FSTL4: variants seen among roughly 807,000 people sequenced by gnomAD.
FSTL4 encodes the protein follistatin like 4.
FSTL4 carries 28 observed loss-of-function variants against 78.2 expected under a neutral mutation model. The observed-to-expected ratio is 0.36, with a 90% CI of 0.27 to 0.49. The LOEUF (loss-of-function observed/expected upper bound fraction) is 0.49. Ranked by LOEUF, FSTL4 falls within the 20% of genes least tolerant of loss-of-function variation. FSTL4 has a pLI of 0.98. For synonymous variants in FSTL4, 422 were observed against 440.5 expected (o/e 0.96, Z 0.53); for missense variants, 922 against 1,084.9 (o/e 0.85, Z 2.11).
chr5:133,798,854 T>C, the FSTL4 span, among the ~76,000 whole-genome samples: 3 of 151,758 alleles, frequency 2.0e-5, no homozygotes, highest in East Asian at 3.9e-4. Flanking sequence ...ACCTTAGTCA[T>C]TGTATCCCCA....
At chr5:133,534,145 A>C (rs186649319) in intron 3 of FSTL4, among the ~76,000 whole-genome samples, 98 of 151,992 alleles carry the variant, frequency 6.4e-4, no homozygotes, top group South Asian at 2.5e-3. Flanking sequence ...GGTTGTATTA[A>C]AAAAAACCTG....
At chr5:133,391,161 C>T (rs941410834) in intron 4 of FSTL4, among the ~76,000 whole-genome samples, 1 of 152,212 alleles carries the variant, frequency 6.6e-6, no homozygotes, top group Non-Finnish European at 1.5e-5. Flanking sequence ...CTGAGTCTAT[C>T]ACACAGATAA....
At chr5:133,481,591 C>T (rs985409654) in intron 3 of FSTL4, among the ~76,000 whole-genome samples, 1 of 148,904 alleles carries the variant, frequency 6.7e-6, no homozygotes, top group Non-Finnish European at 1.5e-5. Flanking sequence ...GAACTCATCA[C>T]AGGTAGTCAG....
chr5:133,726,947 A>C, the FSTL4 span, among the ~76,000 whole-genome samples: 14 of 152,270 alleles, frequency 9.2e-5, no homozygotes, highest in African/African-American at 2.9e-4. Context: ...GGATCCTCCT[A>C]TGTTAATGTT....
chr5:133,710,115 G>A, the FSTL4 span, among the ~76,000 whole-genome samples: 562 of 152,282 alleles, frequency 3.7e-3, 3 homozygotes, highest in African/African-American at 0.013. Context: ...CCCACTGCAC[G>A]GGAAGATGGT....
chr5:133,727,326 A>G, the FSTL4 span, among the ~76,000 whole-genome samples: 1 of 151,846 alleles, frequency 6.6e-6, no homozygotes, highest in Non-Finnish European at 1.5e-5. Flanking sequence ...AGACCAGAAC[A>G]CTAGTTTAAA....
chr5:133,350,604 C>T (rs1183999662), intron 4 of FSTL4, among the ~76,000 whole-genome samples: 3 of 152,232 alleles, frequency 2.0e-5, no homozygotes, highest in African/African-American at 7.2e-5. Context: ...GTACGATCCA[C>T]ATAATGGATT....
rs202011819 is a variant in FSTL4 at position 133,201,920 on chromosome 5, G to T, written c.1826+13C>A. On this transcript the variant is annotated intron_variant, in intron 15 of 15. Transcript: ENST00000265342. ...GCGGGGAGTGCCTTAGAGGCATCAT[G>T]GGCCAGTCTCACCTGATGTGGTTGA... is the stretch of plus-strand genomic sequence containing the variant. The T allele has an allele frequency of 3.3e-6, 5 of 1,507,182 alleles. No homozygotes were observed. In the African/African-American group the frequency reaches 6.8e-5, roughly 21 times the overall value. 93.4% of individuals were successfully genotyped at this position (1,507,182 alleles called of 1,614,324 possible).
chr5:133,404,275 C>T (rs1756305185), intron 3 of FSTL4, among the ~76,000 whole-genome samples: 1 of 152,182 alleles, frequency 6.6e-6, no homozygotes. Context: ...TTACCACTTC[C>T]TCCTTGTCAT....
chr5:133,432,624 T>A (rs1756963368), intron 3 of FSTL4, among the ~76,000 whole-genome samples: 1 of 152,214 alleles, frequency 6.6e-6, no homozygotes, highest in Admixed American at 6.5e-5. Context: ...GCATCTGCTA[T>A]CTGCATGTGC....
At chr5:133,217,155 C>G in intron 13 of FSTL4, 74 bp downstream of exon 13, 1 of 1,284,596 alleles carries the variant, frequency 7.8e-7, no homozygotes, top group South Asian at 1.3e-5. Context: ...GGGGAGTATG[C>G]AGAAAGCAAA....
chr5:133,365,492 C>T (rs1229246391), intron 4 of FSTL4, among the ~76,000 whole-genome samples: 2 of 152,198 alleles, frequency 1.3e-5, no homozygotes, highest in African/African-American at 4.8e-5. Flanking sequence ...CAGGGGACAG[C>T]ATGCCCCCAC....
At chr5:133,519,160 C>T (rs1043433616) in intron 3 of FSTL4, among the ~76,000 whole-genome samples, 1 of 152,200 alleles carries the variant, frequency 6.6e-6, no homozygotes, top group Non-Finnish European at 1.5e-5. Context: ...CTTAACATTC[C>T]ATTGCTTGTC....
chr5:133,245,601 C>T (rs1358682997), intron 7 of FSTL4, among the ~76,000 whole-genome samples: 2 of 152,200 alleles, frequency 1.3e-5, no homozygotes, highest in East Asian at 1.9e-4. Flanking sequence ...GTGGTTACTT[C>T]GCCTCCCTGG....
Position 133,225,815 on chromosome 5 carries a change from C to A in FSTL4, c.1020G>T (p.Pro340=). 6.4e-7 allele frequency: 1 copy of A among 1,573,990 alleles called. No individual in the cohort carries two copies. Among genetic ancestry groups the A allele is most frequent in the Non-Finnish European group, 8.6e-7 (1 of 1,161,176 alleles). The change falls in exon 9 of 16, where the codon CCG becomes CCT. Residue 340 remains proline, a synonymous_variant. Transcript: ENST00000265342. The surrounding 1 kb of genome is among the most constrained non-coding windows in gnomAD (Gnocchi z 4.6). ...FQTHVLQVNV[P]PVIRVYPESQ... is the part of the protein sequence containing the mutation. ...TCTCTGGATAGACACGGATGACTGG[C>A]GGCACTGTGGGTGAGAGTCAGTGCT...
At chr5:133,529,715 C>T (rs1237165160) in intron 3 of FSTL4, among the ~76,000 whole-genome samples, 1 of 152,174 alleles carries the variant, frequency 6.6e-6, no homozygotes, top group Non-Finnish European at 1.5e-5. Flanking sequence ...TAAACAGAGG[C>T]TCAGCAAATG....
the FSTL4 span, among the ~76,000 whole-genome samples, chr5:133,699,672 G>C: frequency 6.6e-6 from 1 of 152,106 alleles, no homozygotes. Context: ...ACGAGGTCAG[G>C]AGATCGAGAC....
At chr5:133,711,516 A>G in the FSTL4 span, among the ~76,000 whole-genome samples, 9 of 152,336 alleles carry the variant, frequency 5.9e-5, no homozygotes, top group South Asian at 1.7e-3. Flanking sequence ...GTCTCTTCCC[A>G]TGGGAAAAGG....
chr5:133,408,503 C>T (rs1756412260), intron 3 of FSTL4, among the ~76,000 whole-genome samples: 1 of 151,524 alleles, frequency 6.6e-6, no homozygotes, highest in African/African-American at 2.4e-5. Context: ...GGGGCTGGAG[C>T]CAGAGGCCAC....
Sources: allele counts gnomAD v4.1 joint callset (sites outside exome capture counted in the v4.1 genomes callset), GRCh38; gene constraint gnomAD v4.1.1; non-coding constraint Gnocchi (gnomAD v3.1); transcripts MANE v1.5; gene names NCBI Gene and HGNC (gene_info 2026-07-23, HGNC 2026-07-21).